Variants in TLN2 observed in about 807,000 individuals in gnomAD.
TLN2 encodes talin-2.
Under a neutral mutation model 294.7 loss-of-function variants are expected in TLN2, and 118 were observed. The observed-to-expected ratio is 0.40, with a 90% CI of 0.34 to 0.47. The LOEUF is 0.47. Among genes scored for constraint, TLN2 ranks in the 20% least tolerant of loss-of-function variants. The pLI, the probability that TLN2 is intolerant of heterozygous loss-of-function variation, is 0.84. For synonymous variants in TLN2, 1,431 were observed against 1,304.5 expected (o/e 1.10, Z -2.09); for missense variants, 3,083 against 3,282.2 (o/e 0.94, Z 1.48).
chr15:62,725,304 T>TA (rs1225177648), intron 27 of TLN2, among the ~76,000 whole-genome samples, 200 bp downstream of exon 27: 2 of 152,342 alleles, frequency 1.3e-5, no homozygotes, highest in African/African-American at 4.8e-5. Flanking sequence ...CTCAGCTGTA[T>TA]CATCAACTAG....
intron 3 of TLN2, among the ~76,000 whole-genome samples, chr15:62,636,934 C>G (rs544389246): frequency 1.2e-4 from 18 of 152,172 alleles, no homozygotes; most frequent in Non-Finnish European, 2.4e-4. Context: ...TGAATGCCCT[C>G]CCTGAGCACT....
chr15:62,803,418 A>G (rs2066064320), intron 50 of TLN2, among the ~76,000 whole-genome samples: 1 of 151,416 alleles, frequency 6.6e-6, no homozygotes, highest in Admixed American at 6.6e-5. Context: ...CTCTTTTTCT[A>G]CCTCCTTTTT....
At chr15:62,825,813 T>TATATAATATATATTATAATATAATA (rs1555521956) in intron 54 of TLN2, among the ~76,000 whole-genome samples, 10 of 3,184 alleles carry the variant, frequency 3.1e-3, no homozygotes, top group Non-Finnish European at 7.1e-3. Context: ...ATATATTATA[T>TATATAATATATATTATAATATAATA]TATAATATAT....
At chr15:62,680,538 A>G (rs938872709) in intron 11 of TLN2, among the ~76,000 whole-genome samples, 12 of 152,214 alleles carry the variant, frequency 7.9e-5, no homozygotes, top group African/African-American at 2.9e-4. Flanking sequence ...AAGAGATCAC[A>G]TGCAGAACAG....
chr15:62,476,572 C>T (rs184639060), intron 1 of TLN2, among the ~76,000 whole-genome samples: 144 of 152,352 alleles, frequency 9.5e-4, no homozygotes, highest in African/African-American at 3.3e-3. Context: ...CAGGGCCCTT[C>T]TGTTGCCCCC....
intron 3 of TLN2, among the ~76,000 whole-genome samples, chr15:62,625,602 C>A (rs2049213107): frequency 6.6e-6 from 1 of 152,134 alleles, no homozygotes; most frequent in South Asian, 2.1e-4. Context: ...AGTTAGGCTA[C>A]TGCACGCAGG....
In TLN2 at chr15:62,453,075, G is replaced by T. The variant is rs2036250649; in HGVS notation, c.-238+62390G>T. On this transcript the variant is annotated intron_variant, in intron 1 of 58. Transcript: ENST00000636159. ...TACTTATACTGCAGAATTATCTGTG[G>T]TTTACCTGAAATTCAAGTTTAACTA... is the stretch of plus-strand genomic sequence containing the variant. 2.0e-5 allele frequency among the ~76,000 whole-genome samples: 3 copies of T among 152,258 alleles called. No individual in the cohort carries two copies. The South Asian group carries it at 6.2e-4, about 32-fold the overall frequency.
chr15:62,694,238 A>G, intron 13 of TLN2, 78 bp from the exon 14 acceptor site: 66 of 1,341,522 alleles, frequency 4.9e-5, no homozygotes, highest in Non-Finnish European at 6.8e-5. Flanking sequence ...CAGCCTCCCA[A>G]AGTGCTGGGA....
At chr15:62,394,660 C>T (rs1204440017) in intron 1 of TLN2, among the ~76,000 whole-genome samples, 1 of 152,156 alleles carries the variant, frequency 6.6e-6, no homozygotes, top group African/African-American at 2.4e-5. Context: ...ATTTCCCCTG[C>T]AGGGCCCACA....
Position 62,692,878 on chromosome 15 carries a change from A to G in TLN2, c.1152A>G (p.Gln384=). Residue 384 remains glutamine, a synonymous_variant, in exon 13 of 59, where the codon CAA becomes CAG. Transcript: ENST00000636159. ...GEYQESYYSV[Q]TTEGEQISQL... ...ATCAGGAAAGCTACTATTCAGTACA[A>G]ACCACCGAGGGAGAGCAGATATCCC... 6.2e-7 allele frequency: 1 copy of G among 1,613,782 alleles called. No homozygotes were observed. The highest frequency in any genetic ancestry group is 8.5e-7 in the Non-Finnish European group (1 of 1,179,908).
intron 9 of TLN2, among the ~76,000 whole-genome samples, chr15:62,662,799 G>C (rs571489201): frequency 3.9e-4 from 59 of 149,858 alleles, no homozygotes; most frequent in African/African-American, 1.4e-3. Context: ...ATAGGGAGTT[G>C]GTGTATTTTA....
chr15:62,611,650 C>T (rs1172207471), intron 2 of TLN2, among the ~76,000 whole-genome samples: 1 of 152,172 alleles, frequency 6.6e-6, no homozygotes, highest in African/African-American at 2.4e-5. Context: ...GTAAGCCTTC[C>T]AGGCCCTCAC....
At position 62,530,709 on chromosome 15, in the gene TLN2, G is replaced by A. The variant is rs7176346; in HGVS notation, c.-237-58978G>A. 9.4e-3 allele frequency among the ~76,000 whole-genome samples: 1,434 copies of A among 152,294 alleles called. 26 individuals carry two copies. Among genetic ancestry groups the A allele is most frequent in the African/African-American group, 0.033 (1,374 of 41,566 alleles). On this transcript the variant is annotated intron_variant, in intron 1 of 58. Coordinates refer to ENST00000636159, the MANE Select transcript of TLN2 (RefSeq NM_015059.3). The stretch of plus-strand genomic sequence containing the variant: ...GCATTGCCTAATTTTTCTTCTTGGG[G>A]AAAAGATGTAAGAGAAGTTCTGTTC...
intron 44 of TLN2, 144 bp from the exon 45 acceptor site, chr15:62,783,627 G>A (rs2064376981): frequency 2.1e-6 from 3 of 1,430,408 alleles, no homozygotes; most frequent in South Asian, 1.5e-5. Context: ...AGCCCCAAAT[G>A]CAAGGCCTGG....
chr15:62,649,988 C>T, intron 4 of TLN2, 96 bp from the exon 5 acceptor site: 1 of 1,207,992 alleles, frequency 8.3e-7, no homozygotes, highest in Non-Finnish European at 1.2e-6. Flanking sequence ...AGGAGAACAC[C>T]CACATCCTTG....
intron 1 of TLN2, among the ~76,000 whole-genome samples, chr15:62,412,943 T>G (rs2033857325): frequency 6.6e-6 from 1 of 152,200 alleles, no homozygotes; most frequent in African/African-American, 2.4e-5. Context: ...CTGGGGGCTC[T>G]TTCTCATCAC....
intron 1 of TLN2, among the ~76,000 whole-genome samples, chr15:62,457,526 C>T (rs1165486029): frequency 3.3e-5 from 5 of 152,174 alleles, no homozygotes; most frequent in African/African-American, 2.4e-5. Flanking sequence ...AATTGGGCCC[C>T]GTCTTCCTTG....
At chr15:62,404,228 G>A (rs894866015) in intron 1 of TLN2, among the ~76,000 whole-genome samples, 1 of 152,178 alleles carries the variant, frequency 6.6e-6, no homozygotes, top group African/African-American at 2.4e-5. Context: ...TTGTTGAGTG[G>A]TAGAAGGCAC....
intron 2 of TLN2, among the ~76,000 whole-genome samples, chr15:62,604,834 ACCAT>A (rs919511137): frequency 6.6e-6 from 1 of 151,918 alleles, no homozygotes; most frequent in African/African-American, 2.4e-5. Context: ...ACGCAAGCCT[ACCAT>A]CCTGTAGCGT....
Sources: allele counts gnomAD v4.1 joint callset (sites outside exome capture counted in the v4.1 genomes callset), GRCh38; gene constraint gnomAD v4.1.1; transcripts MANE v1.5; gene names NCBI Gene and HGNC (gene_info 2026-07-23, HGNC 2026-07-21).